PBK: variants seen among roughly 807,000 people sequenced by gnomAD.
PBK encodes lymphokine-activated killer T-cell-originated protein kinase.
In PBK, 22 loss-of-function variants were observed where a neutral mutation model predicts 33.5. That is an observed-to-expected ratio of 0.66 (90% CI 0.47 to 0.94). The LOEUF (loss-of-function observed/expected upper bound fraction) is 0.94, where lower values mean the gene tolerates loss of function less well. Ranked by LOEUF, PBK falls within the 40% of genes least tolerant of loss-of-function variation. The pLI, the probability that PBK is intolerant of heterozygous loss-of-function variation, is 0.00. For missense variants in PBK, 376 were observed against 383.4 expected (o/e 0.98, Z 0.16); for synonymous variants, 129 against 123.8 (o/e 1.04, Z -0.28).
chr8:27,811,209 C>T (rs17479454), intron 6 of PBK, 75 bp from the exon 7 acceptor site: 394,127 of 1,294,670 alleles, frequency 0.3, 64,771 homozygotes, highest in Middle Eastern at 0.37. Context: ...GGGAAACAGG[C>T]GAACGATTTG....
Position 27,822,495 on chromosome 8 carries a change from G to A in PBK, c.296-7C>T, listed in dbSNP as rs367671591. 1.3e-6 allele frequency: 2 copies of A among 1,578,176 alleles called. No individual in the cohort carries two copies. The highest frequency in any genetic ancestry group is 3.8e-5 in the Admixed American group (2 of 53,266). On this transcript the variant is annotated splice_region_variant and splice_polypyrimidine_tract_variant and intron_variant, in intron 4 of 7. Coordinates refer to ENST00000301905, the MANE Select transcript of PBK (RefSeq NM_018492.4). ...TCAGTAAAAGCACGATAACCTTAAAGAAAACATGACATTTCTTCACTAATA... is the reference window on the plus strand; with the variant it reads ...TCAGTAAAAGCACGATAACCTTAAAAAAAACATGACATTTCTTCACTAATA...
intron 3 of PBK, among the ~76,000 whole-genome samples, chr8:27,824,175 A>G (rs10099154): frequency 0.16 from 23,964 of 152,178 alleles, 2,400 homozygotes; most frequent in East Asian, 0.37. Context: ...TCCAGTTTTA[A>G]ATAACAGCAG....
intron 6 of PBK, among the ~76,000 whole-genome samples, chr8:27,820,282 C>T (rs1805894161): frequency 6.6e-6 from 1 of 152,132 alleles, no homozygotes; most frequent in African/African-American, 2.4e-5. Context: ...TTCCCAGATG[C>T]TTTACTGCTT....
At chr8:27,823,956 A>G (rs1005856557) in intron 3 of PBK, among the ~76,000 whole-genome samples, 1 of 152,136 alleles carries the variant, frequency 6.6e-6, no homozygotes, top group Non-Finnish European at 1.5e-5. Flanking sequence ...AAAGAGCCTC[A>G]GAAGTTTAAG....
intron 2 of PBK, among the ~76,000 whole-genome samples, chr8:27,830,704 T>G (rs948843570): frequency 2.0e-5 from 3 of 152,254 alleles, no homozygotes; most frequent in Non-Finnish European, 4.4e-5. Flanking sequence ...TAACCACATT[T>G]AATAATCCAA....
At chr8:27,814,644 A>G (rs1805776760) in intron 6 of PBK, among the ~76,000 whole-genome samples, 3 of 152,150 alleles carry the variant, frequency 2.0e-5, no homozygotes, top group East Asian at 3.8e-4. Flanking sequence ...ATTTACAACT[A>G]TAGATTTCCC....
intron 6 of PBK, among the ~76,000 whole-genome samples, chr8:27,816,343 C>CTTATATATATATATATATATATA (rs1554559818): frequency 4.4e-5 from 6 of 136,364 alleles, no homozygotes; most frequent in African/African-American, 1.8e-4. Flanking sequence ...TCATCGAATA[C>CTTATATATATATATATATATATA]TATATATATA....
chr8:27,822,520 A>AT, intron 4 of PBK, 32 bp from the exon 5 acceptor site: 3 of 1,440,544 alleles, frequency 2.1e-6, no homozygotes, highest in Non-Finnish European at 2.9e-6. Context: ...CTTCACTAAT[A>AT]TAGAGAAGAA....
chr8:27,821,484 A>G (rs956236317), intron 5 of PBK, among the ~76,000 whole-genome samples: 2 of 151,210 alleles, frequency 1.3e-5, no homozygotes, highest in East Asian at 4.0e-4. Context: ...CTGATCTCAA[A>G]TTCCTGCCCT....
intron 6 of PBK, chr8:27,812,046 T>C (rs183607729): frequency 6.6e-6 from 1 of 152,324 alleles, no homozygotes; most frequent in East Asian, 1.9e-4. Flanking sequence ...CAGTTTCGTC[T>C]CCTTTCCAAT....
At chr8:27,834,720 C>T (rs1425639136) in intron 1 of PBK, among the ~76,000 whole-genome samples, 1 of 152,066 alleles carries the variant, frequency 6.6e-6, no homozygotes, top group Non-Finnish European at 1.5e-5. Context: ...ATGGCGAAAC[C>T]TCGTCTCTAC....
chr8:27,828,074 A>G, intron 3 of PBK, 31 bp downstream of exon 3: 2 of 1,015,606 alleles, frequency 2.0e-6, no homozygotes, highest in South Asian at 2.6e-5. Flanking sequence ...TAGTTGCATG[A>G]AAAAAGGTTA....
At chr8:27,824,764 G>T (rs1805995366) in intron 3 of PBK, among the ~76,000 whole-genome samples, 1 of 151,896 alleles carries the variant, frequency 6.6e-6, no homozygotes, top group African/African-American at 2.4e-5. Flanking sequence ...AAATCAAAAG[G>T]GACAGTAGAA....
chr8:27,812,589 T>A, intron 6 of PBK: 1 of 135,690 alleles, frequency 7.4e-6, no homozygotes. Flanking sequence ...AGGGCTAATA[T>A]CCAGAATCTA....
At chr8:27,825,732 A>G (rs912573344) in intron 3 of PBK, among the ~76,000 whole-genome samples, 5 of 152,224 alleles carry the variant, frequency 3.3e-5, no homozygotes, top group African/African-American at 1.2e-4. Context: ...GAGACTAAAG[A>G]TGCTATTTTT....
intron 1 of PBK, 43 bp downstream of exon 1, chr8:27,837,597 CCTCGGCTCCGGG>C (rs769802459): frequency 1.3e-5 from 2 of 152,300 alleles, no homozygotes; most frequent in Non-Finnish European, 2.9e-5. Flanking sequence ...CCCGCAGAGG[CCTCGGCTCCGGG>C]CTCGGCCCCC....
rs1023710765 is a variant in PBK, at chr8:27,820,584, T to C, written c.576A>G (p.Pro192=). The change falls in exon 6 of 8, where the codon CCA becomes CCG. Residue 192 remains proline (P), a synonymous_variant. Coordinates refer to ENST00000301905, the MANE Select transcript of PBK (RefSeq NM_018492.4). The part of the protein sequence containing the change: ...IKICDVGVSL[P]LDENMTVTDP... ...ACTTACCAGTCATATTTTCATCCAG[T>C]GGTAGAGAGACTCCTACATCACAGA... The C allele has an allele frequency of 6.3e-7, 1 of 1,580,382 alleles. No individual in the cohort carries two copies. Among genetic ancestry groups the C allele is most frequent in the African/African-American group, 1.4e-5 (1 of 73,996 alleles).
In PBK at chr8:27,823,163, C is replaced by CT; in HGVS notation, c.194dup (p.Ile66AspfsTer2). On this transcript the variant is annotated frameshift_variant, in exon 4 of 8. Transcript: ENST00000301905. LOFTEE classifies it high-confidence loss of function. Reference sequence around the variant, plus strand: ...AATGATCATTACATATAGGATTAATCTTTTTTACAGCCCAAGGAGAATGAG... The same window carrying CT: ...AATGATCATTACATATAGGATTAATCTTTTTTTACAGCCCAAGGAGAATGAG... 1 of 1,557,988 alleles carries CT rather than the reference C, an allele frequency of 6.4e-7. No individual in the cohort carries two copies. Among genetic ancestry groups the CT allele is most frequent in the Non-Finnish European group, 8.8e-7 (1 of 1,132,548 alleles).
In PBK at chr8:27,810,377, T is replaced by C. The variant is rs1805649676; in HGVS notation, c.897A>G (p.Val299=). 2.5e-6 allele frequency: 4 copies of C among 1,611,286 alleles called. No individual in the cohort carries two copies. The highest frequency in any genetic ancestry group is 1.7e-4 in the Middle Eastern group (1 of 6,048). ...GATCTTTAGGGTCTTCATTAGTGCA[T>C]ACAGAGAAGAGTTCAATTACTTTCT... is the stretch of plus-strand genomic sequence containing the variant. The part of the protein sequence containing the change: ...SYQKVIELFS[V]CTNEDPKDRP... The change falls in exon 8 of 8, where the codon GTA becomes GTG. Residue 299 remains valine (V), a synonymous_variant. Coordinates refer to ENST00000301905, the MANE Select transcript of PBK (RefSeq NM_018492.4).
Sources: gnomAD v4.1 joint callset for allele counts (sites outside exome capture counted in the v4.1 genomes callset) on GRCh38, gnomAD v4.1.1 for gene constraint, MANE v1.5 for transcripts, NCBI Gene and HGNC (gene_info 2026-07-23, HGNC 2026-07-21) for gene names.